The following CACNA1D variants were observed in gnomAD, a reference collection of about 807,000 sequenced individuals.
CACNA1D encodes voltage-dependent L-type calcium channel subunit alpha-1D.
A neutral mutation model predicts 257.1 loss-of-function variants in CACNA1D; 55 were observed. The observed-to-expected ratio is 0.21, with a 90% CI of 0.17 to 0.27. CACNA1D has a LOEUF of 0.27. Ranked by LOEUF, CACNA1D falls within the 10% of genes least tolerant of loss-of-function variation. The pLI, the probability that CACNA1D is intolerant of heterozygous loss-of-function variation, is 1.00. For missense variants in CACNA1D, 1,876 were observed against 2,784.0 expected, an observed-to-expected ratio of 0.67 and a Z score of 7.34; for synonymous variants, 980 against 1,014.9, an observed-to-expected ratio of 0.97 and a Z score of 0.65.
chr3:53,746,191 G>A (rs1394912249), intron 25 of CACNA1D, among the ~76,000 whole-genome samples: 1 of 152,120 alleles, frequency 6.6e-6, no homozygotes, highest in Non-Finnish European at 1.5e-5. Context: ...TATAAATGAT[G>A]GGAGTTGGGG....
intron 38 of CACNA1D, among the ~76,000 whole-genome samples, chr3:53,780,341 T>C (rs2095419369): frequency 6.6e-6 from 1 of 152,246 alleles, no homozygotes; most frequent in African/African-American, 2.4e-5. Flanking sequence ...CTTCACTTTG[T>C]CCCAGAATGT....
At chr3:53,788,525 T>C (rs2095468099) in intron 40 of CACNA1D, among the ~76,000 whole-genome samples, 1 of 152,196 alleles carries the variant, frequency 6.6e-6, no homozygotes, top group African/African-American at 2.4e-5. Flanking sequence ...TGCAGAGATA[T>C]GTTTGCAGAT....
intron 26 of CACNA1D, among the ~76,000 whole-genome samples, chr3:53,748,885 C>T (rs536984247): frequency 1.3e-5 from 2 of 152,116 alleles, no homozygotes; most frequent in African/African-American, 2.4e-5. Context: ...GGGGAAGCAC[C>T]CTTAGTTCTT....
chr3:53,774,300 A>G lies in CACNA1D; in HGVS notation c.4111-287A>G. ...CTTCCCTGTGTGTCTGGACCACCCC[A>G]GCATCATCACTGGGGTTTGATGTTG... is the stretch of plus-strand genomic sequence containing the variant. On this transcript the variant is annotated intron_variant, in intron 33 of 47. Coordinates refer to ENST00000350061, the MANE Select transcript of CACNA1D (RefSeq NM_001128840.3). The surrounding 1 kb of genome is among the most constrained non-coding windows in gnomAD (Gnocchi z 4.3). The G allele has an allele frequency of 4.7e-6, 2 of 422,114 alleles. No homozygotes were observed. The highest frequency in any genetic ancestry group is 4.4e-5 in the South Asian group (2 of 45,436). 26.1% of individuals were successfully genotyped at this position (422,114 alleles called of 1,614,324 possible).
chr3:53,797,115 T>C (rs1306511853), intron 40 of CACNA1D, among the ~76,000 whole-genome samples: 1 of 152,238 alleles, frequency 6.6e-6, no homozygotes, highest in Non-Finnish European at 1.5e-5. Flanking sequence ...AGTAATTTTT[T>C]CAAGAGTCTA....
chr3:53,788,499 G>C (rs1297669876), intron 40 of CACNA1D, among the ~76,000 whole-genome samples: 1 of 152,228 alleles, frequency 6.6e-6, no homozygotes, highest in South Asian at 2.1e-4. Flanking sequence ...GCTAGCCTCC[G>C]AAAGACAAAG....
intron 11 of CACNA1D, among the ~76,000 whole-genome samples, chr3:53,721,184 T>C (rs1261101588): frequency 7.9e-5 from 12 of 152,204 alleles, no homozygotes; most frequent in African/African-American, 1.2e-4. Context: ...GCTCTTTCCA[T>C]TGGAACCTGC....
intron 3 of CACNA1D, among the ~76,000 whole-genome samples, chr3:53,635,297 C>T (rs191609145): frequency 2.0e-5 from 3 of 152,300 alleles, no homozygotes; most frequent in East Asian, 3.9e-4. Flanking sequence ...TACCCATGGC[C>T]CAGGACTTCA....
intron 3 of CACNA1D, among the ~76,000 whole-genome samples, chr3:53,625,013 C>T (rs890964580): frequency 7.9e-5 from 12 of 152,098 alleles, no homozygotes; most frequent in African/African-American, 2.9e-4. Context: ...TGTGCATGCA[C>T]GCTAAGGAGT....
At chr3:53,561,140 A>T (rs1215937555) in intron 3 of CACNA1D, among the ~76,000 whole-genome samples, 3 of 152,202 alleles carry the variant, frequency 2.0e-5, no homozygotes, top group African/African-American at 7.2e-5. Flanking sequence ...GCATGTCTCA[A>T]GTCATGACTA....
intron 3 of CACNA1D, among the ~76,000 whole-genome samples, chr3:53,608,827 A>G (rs1381460595): frequency 1.3e-5 from 2 of 152,192 alleles, no homozygotes; most frequent in African/African-American, 4.8e-5. Context: ...GATAAACATC[A>G]CTTGATTGTG....
At chr3:53,727,116 C>T in intron 15 of CACNA1D, 117 bp downstream of exon 15, 1 of 1,178,146 alleles carries the variant, frequency 8.5e-7, no homozygotes, top group East Asian at 2.3e-5. Flanking sequence ...GAGGTAAATG[C>T]CTTTACCTTA....
Position 53,749,301 on chromosome 3 carries a change from G to T in CACNA1D, c.3348G>T (p.Glu1116Asp). The change falls in exon 27 of 48, where the codon GAG (glutamate) becomes GAT (aspartate). Residue 1116 changes from glutamate (E) to aspartate (D), a missense_variant. Transcript: ENST00000350061. ...ATAAAGCCATCGACTCGAATGGAGA[G>T]AACATCGGCCCAATCTACAACCACC... The part of the protein sequence containing the change: ...LLYKAIDSNG[E>D]NIGPIYNHRV... The T allele has an allele frequency of 7.4e-6, 12 of 1,614,080 alleles. No individual in the cohort carries two copies. Among genetic ancestry groups the T allele is most frequent in the Non-Finnish European group, 9.3e-6 (11 of 1,179,926 alleles).
At chr3:53,612,249 T>C (rs2093591352) in intron 3 of CACNA1D, among the ~76,000 whole-genome samples, 1 of 152,222 alleles carries the variant, frequency 6.6e-6, no homozygotes, top group Non-Finnish European at 1.5e-5. Flanking sequence ...TCATGACAAT[T>C]CTAGTAATTT....
At chr3:53,740,833 A>G (rs1016057549) in intron 21 of CACNA1D, among the ~76,000 whole-genome samples, 1 of 152,188 alleles carries the variant, frequency 6.6e-6, no homozygotes, top group African/African-American at 2.4e-5. Context: ...AAGTCAGAGG[A>G]AAAGCATTTA....
chr3:53,687,531 A>T (rs1336423430), intron 8 of CACNA1D, among the ~76,000 whole-genome samples: 1 of 149,430 alleles, frequency 6.7e-6, no homozygotes, highest in Admixed American at 6.7e-5. Context: ...AAAAAAAAAA[A>T]TAAGCTGGAG....
intron 3 of CACNA1D, among the ~76,000 whole-genome samples, chr3:53,565,871 C>T (rs2107660575): frequency 6.6e-6 from 1 of 152,234 alleles, no homozygotes; most frequent in East Asian, 1.9e-4. Context: ...CCAGAGTCTC[C>T]ACTGGGAATA....
intron 1 of CACNA1D, among the ~76,000 whole-genome samples, chr3:53,496,395 G>T (rs1175095477): frequency 1.3e-5 from 2 of 152,240 alleles, no homozygotes; most frequent in East Asian, 3.9e-4. Context: ...TCTATCCTAG[G>T]TGTAGGGGTG....
Position 53,805,063 on chromosome 3 carries a change from G to A in CACNA1D, c.5666G>A (p.Gly1889Glu). 1 of 1,614,044 alleles carries A rather than the reference G, an allele frequency of 6.2e-7. No individual in the cohort carries two copies. The highest frequency in any genetic ancestry group is 1.1e-5 in the South Asian group (1 of 91,066). ...CCCCGAGGCTACCATCATCCCCAAGGATTCTTGGAGGACGATGACTCGCCC... is the reference window on the plus strand; with the variant it reads ...CCCCGAGGCTACCATCATCCCCAAGAATTCTTGGAGGACGATGACTCGCCC... Reference protein sequence around the residue: ...ERPRGYHHPQGFLEDDDSPVC... With the variant: ...ERPRGYHHPQEFLEDDDSPVC... The change falls in exon 45 of 48, where the codon GGA becomes GAA. Residue 1889 changes from glycine (G) to glutamate (E), a missense_variant. Physicochemically the swap from Gly to Glu is moderately conservative, Grantham distance 98. This residue lies in a region of CACNA1D where 491 missense variants were observed against 554.3 expected (regional missense o/e 0.89). Coordinates refer to ENST00000350061, the MANE Select transcript of CACNA1D (RefSeq NM_001128840.3).
Sources: allele counts gnomAD v4.1 joint callset (sites outside exome capture counted in the v4.1 genomes callset), GRCh38; gene constraint gnomAD v4.1.1; regional missense constraint gnomAD v4.1.1; non-coding constraint Gnocchi (gnomAD v3.1); transcripts MANE v1.5; gene names NCBI Gene and HGNC (gene_info 2026-07-23, HGNC 2026-07-21).